HYDIN: variants seen among roughly 807,000 people sequenced by gnomAD.
The protein encoded by HYDIN is HYDIN axonemal central pair apparatus protein.
Under a neutral mutation model 403.9 loss-of-function variants are expected in HYDIN, and 132 were observed. The observed-to-expected ratio is 0.33, with a 90% CI of 0.28 to 0.38. The LOEUF is 0.38. Ranked by LOEUF, HYDIN falls within the 10% of genes least tolerant of loss-of-function variation. The pLI, the probability that HYDIN is intolerant of heterozygous loss-of-function variation, is 1.00. For missense variants in HYDIN, 2,827 were observed against 5,009.5 expected (o/e 0.56, Z 13.15); for synonymous variants, 1,202 against 1,891.7 (o/e 0.64, Z 9.46).
rs774403280 is a variant in HYDIN, at chr16:70,908,406, C to G, written c.8242G>C (p.Ala2748Pro). ...ACCTGCAACGTTACCTCGCCATTGG[C>G]TGGCACGATCCACCGGAAGTGATTC... ...RLNHFRWIVP[A>P]NGEVTLQVHF... The change falls in exon 49 of 86, where the codon GCC becomes CCC. Residue 2748 changes from alanine (A) to proline (P), a missense_variant. Physicochemically the swap from Ala to Pro is conservative, Grantham distance 27. Coordinates refer to ENST00000393567, the MANE Select transcript of HYDIN (RefSeq NM_001270974.2). 2 of 1,258,366 alleles carry G rather than the reference C, an allele frequency of 1.6e-6. No homozygotes were observed. The highest frequency in any genetic ancestry group is 3.0e-5 in the South Asian group (2 of 67,246). 78.0% of individuals were successfully genotyped at this position (1,258,366 alleles called of 1,614,324 possible).
Position 70,837,765 on chromosome 16 carries a change from T to C in HYDIN, c.13167A>G (p.Gln4389=). ...TFYPRESINY[Q]ELIPFEINGL... ...CATTGATTTCAAAGGGAATGAGTTC[T>C]TGATAGTTGATACTTTCTCGAGGAT... Residue 4389 remains glutamine, a synonymous_variant, in exon 77 of 86, where the codon CAA becomes CAG. Coordinates refer to ENST00000393567, the MANE Select transcript of HYDIN (RefSeq NM_001270974.2). The C allele has an allele frequency of 6.2e-7, 1 of 1,613,978 alleles. No homozygotes were observed. Among genetic ancestry groups the C allele is most frequent in the Non-Finnish European group, 8.5e-7 (1 of 1,179,846 alleles).
intron 28 of HYDIN, 32 bp from the exon 29 acceptor site, chr16:70,981,600 C>T (rs752838912): frequency 2.5e-6 from 4 of 1,600,022 alleles, no homozygotes; most frequent in East Asian, 2.2e-5. Flanking sequence ...AAAGGGAAAA[C>T]GAATGTGCTA....
intron 28 of HYDIN, among the ~76,000 whole-genome samples, chr16:70,983,748 T>A (rs1457565499): frequency 6.7e-6 from 1 of 148,190 alleles, no homozygotes; most frequent in African/African-American, 2.5e-5. Flanking sequence ...TCAATATTGG[T>A]AACAATATAA....
chr16:71,009,960 A>G (rs1413746100), intron 23 of HYDIN, among the ~76,000 whole-genome samples: 1 of 119,186 alleles, frequency 8.4e-6, no homozygotes, highest in Admixed American at 8.8e-5. Flanking sequence ...TGGGAAGAGA[A>G]GAGATCTGTG....
intron 12 of HYDIN, among the ~76,000 whole-genome samples, chr16:71,084,458 C>A (rs1411363626): frequency 6.6e-6 from 1 of 150,660 alleles, no homozygotes; most frequent in Admixed American, 6.7e-5. Context: ...ACAATCTCCG[C>A]TCACTGCAAT....
chr16:70,902,818 TA>T (rs1373370644), intron 52 of HYDIN, among the ~76,000 whole-genome samples: 7 of 28,064 alleles, frequency 2.5e-4, no homozygotes, highest in Non-Finnish European at 5.5e-4. Flanking sequence ...TATATATATA[TA>T]TATTTTTTTT....
chr16:71,031,522 A>T, intron 19 of HYDIN, 157 bp downstream of exon 19: 4 of 1,317,050 alleles, frequency 3.0e-6, no homozygotes, highest in Non-Finnish European at 3.9e-6. Flanking sequence ...CTTGTTGCTG[A>T]CATACACATC....
At chr16:70,811,929 A>G (rs1257341602) in intron 84 of HYDIN, among the ~76,000 whole-genome samples, 1 of 104,832 alleles carries the variant, frequency 9.5e-6, no homozygotes, top group Non-Finnish European at 1.9e-5. Flanking sequence ...ACCACTAGAG[A>G]AATGTAATCA....
chr16:70,939,439 G>A (rs1474736629), intron 43 of HYDIN, among the ~76,000 whole-genome samples: 1 of 151,988 alleles, frequency 6.6e-6, no homozygotes, highest in African/African-American at 2.4e-5. Context: ...GTTAAATTGT[G>A]GGCTCTTCTC....
chr16:70,850,389 T>C (rs1477498354), intron 74 of HYDIN, 59 bp downstream of exon 74: 3 of 850,330 alleles, frequency 3.5e-6, no homozygotes, highest in Non-Finnish European at 3.6e-6. Context: ...TCATTTTTAC[T>C]ACTTTCCCCA....
At chr16:71,193,205 T>C (rs188325836) in intron 1 of HYDIN, among the ~76,000 whole-genome samples, 294 of 152,368 alleles carry the variant, frequency 1.9e-3, no homozygotes, top group African/African-American at 6.9e-3. Context: ...TAAATAATTG[T>C]TGAAGGAATA....
intron 18 of HYDIN, among the ~76,000 whole-genome samples, chr16:71,034,050 A>T (rs1315401200): frequency 6.6e-6 from 1 of 151,856 alleles, no homozygotes; most frequent in African/African-American, 2.4e-5. Context: ...TTCCTTCATG[A>T]ATCTTCCTTG....
At chr16:70,962,992 TG>T (rs1278213121) in intron 37 of HYDIN, among the ~76,000 whole-genome samples, 1 of 151,992 alleles carries the variant, frequency 6.6e-6, no homozygotes, top group Non-Finnish European at 1.5e-5. Flanking sequence ...CACCTTCCAT[TG>T]GGCCAGATGG....
At chr16:70,834,930 G>GTA (rs985694760) in intron 78 of HYDIN, among the ~76,000 whole-genome samples, 3 of 137,320 alleles carry the variant, frequency 2.2e-5, no homozygotes, top group African/African-American at 8.8e-5. Context: ...ACACATATAT[G>GTA]TATATATACA....
At chr16:70,839,637 G>A (rs1358335779) in intron 76 of HYDIN, among the ~76,000 whole-genome samples, 1 of 152,108 alleles carries the variant, frequency 6.6e-6, no homozygotes, top group Non-Finnish European at 1.5e-5. Context: ...CAGAACCTTG[G>A]ACTAGAACAT....
chr16:70,847,233 A>G (rs1335665299), intron 75 of HYDIN, among the ~76,000 whole-genome samples: 2 of 152,214 alleles, frequency 1.3e-5, no homozygotes, highest in Admixed American at 1.3e-4. Context: ...TTGTGCTATT[A>G]CCACACAAAT....
intron 73 of HYDIN, among the ~76,000 whole-genome samples, chr16:70,851,481 C>T (rs1424436648): frequency 6.8e-6 from 1 of 148,008 alleles, no homozygotes; most frequent in East Asian, 1.9e-4. Flanking sequence ...AGAAATGCTT[C>T]ACATTACTAA....
At chr16:71,203,140 G>A (rs2088109035) in intron 1 of HYDIN, among the ~76,000 whole-genome samples, 1 of 152,108 alleles carries the variant, frequency 6.6e-6, no homozygotes, top group South Asian at 2.1e-4. Context: ...ATGTGAGCAG[G>A]GTGGATAGAT....
rs537459573 is a variant in HYDIN at position 70,883,924 on chromosome 16, T to C, written c.9975A>G (p.Leu3325=). 2.4e-4 allele frequency: 388 copies of C among 1,613,460 alleles called. 5 individuals are homozygous for C. In the South Asian group the frequency reaches 4.1e-3, roughly 17 times the overall value. Residue 3325 remains leucine (L), a synonymous_variant, in exon 59 of 86, where the codon CTA becomes CTG. Coordinates refer to ENST00000393567, the MANE Select transcript of HYDIN (RefSeq NM_001270974.2). ...ILYTLLAEAC[L]PAFVTENNAL... ...TCCAATGTGAGTGGTCAGTACCTGG[T>C]AGACAGGCTTCAGCTAGCAAAGTGT...
Sources: allele counts gnomAD v4.1 joint callset (sites outside exome capture counted in the v4.1 genomes callset), GRCh38; gene constraint gnomAD v4.1.1; transcripts MANE v1.5; gene names NCBI Gene and HGNC (gene_info 2026-07-23, HGNC 2026-07-21).